Variants in GKN2 observed in about 807,000 individuals in gnomAD.
GKN2 encodes the protein gastrokine 2.
GKN2 carries 17 observed loss-of-function variants against 22.7 expected under a neutral mutation model. That is an observed-to-expected ratio of 0.75 (90% confidence interval 0.51 to 1.13). The LOEUF is 1.13. GKN2 is among the 50% of genes most tolerant of loss of function. The pLI, the probability that GKN2 is intolerant of heterozygous loss-of-function variation, is 0.00. For missense variants in GKN2, 248 were observed against 221.4 expected (o/e 1.12, Z -0.76); for synonymous variants, 82 against 79.6 (o/e 1.03, Z -0.16).
chr2:68,946,272 A>T, intron 5 of GKN2, 32 bp downstream of exon 5: 1 of 1,568,390 alleles, frequency 6.4e-7, no homozygotes, highest in Non-Finnish European at 8.6e-7. Flanking sequence ...TTCAGAAAAT[A>T]TTTGGTGAGT....
At chr2:68,952,823 T>C (rs1369373239) in intron 1 of GKN2, 27 bp downstream of exon 1, 2 of 1,613,104 alleles carry the variant, frequency 1.2e-6, no homozygotes, top group South Asian at 2.2e-5. Context: ...ACCACAAGAG[T>C]ATCAAGAAGC....
chr2:68,949,741 T>C (rs999800684), intron 3 of GKN2, among the ~76,000 whole-genome samples: 4 of 152,154 alleles, frequency 2.6e-5, no homozygotes, highest in African/African-American at 4.8e-5. Flanking sequence ...TTCTGCATGA[T>C]GTTCTGTGTT....
intron 3 of GKN2, among the ~76,000 whole-genome samples, chr2:68,948,825 G>A (rs536110633): frequency 6.6e-6 from 1 of 152,246 alleles, no homozygotes; most frequent in Non-Finnish European, 1.5e-5. Flanking sequence ...TCAAAAAATA[G>A]ACAGAGGCTG....
chr2:68,951,636 C>A (rs934775466), intron 1 of GKN2, among the ~76,000 whole-genome samples: 1 of 152,122 alleles, frequency 6.6e-6, no homozygotes, highest in African/African-American at 2.4e-5. Context: ...CTTAATATTT[C>A]TCTTCTGGGG....
At chr2:68,950,444 T>G (rs1669839327) in intron 2 of GKN2, among the ~76,000 whole-genome samples, 181 bp from the exon 3 acceptor site, 1 of 152,170 alleles carries the variant, frequency 6.6e-6, no homozygotes, top group Admixed American at 6.5e-5. Flanking sequence ...TCCTTAGAGT[T>G]TACTATATTA....
Position 68,950,707 on chromosome 2 carries a change from A to T in GKN2, c.61T>A (p.Tyr21Asn). 1 of 1,614,054 alleles carries T rather than the reference A, an allele frequency of 6.2e-7. No homozygotes were observed. Among genetic ancestry groups the T allele is most frequent in the South Asian group, 1.1e-5 (1 of 91,082 alleles). The change falls in exon 2 of 6, where the codon TAC becomes AAC. Residue 21 changes from tyrosine to asparagine, a missense_variant. Physicochemically the swap from Tyr to Asn is moderately radical, Grantham distance 143 (BLOSUM62 -2). Coordinates refer to ENST00000328895, the MANE Select transcript of GKN2 (RefSeq NM_182536.3). ...TCCATAAGGAACCAACTCACCTCGT[A>T]TCCATGAGATTGTATCCCAAAGATG... ...LTIFGIQSHGYEVFNIISPSN... is the reference protein window; with the variant it reads ...LTIFGIQSHGNEVFNIISPSN...
intron 3 of GKN2, among the ~76,000 whole-genome samples, chr2:68,949,464 G>A (rs898162029): frequency 3.9e-5 from 6 of 151,950 alleles, no homozygotes; most frequent in African/African-American, 1.5e-4. Flanking sequence ...TTGTCACCCA[G>A]GCTGGAGTGC....
At chr2:68,948,009 G>T (rs1669796161) in intron 3 of GKN2, among the ~76,000 whole-genome samples, 2 of 152,028 alleles carry the variant, frequency 1.3e-5, no homozygotes, top group South Asian at 4.1e-4. Flanking sequence ...ACTTTGGGAG[G>T]CCGAGAAGGG....
chr2:68,949,871 G>A (rs949083971), intron 3 of GKN2, among the ~76,000 whole-genome samples: 7 of 152,122 alleles, frequency 4.6e-5, no homozygotes, highest in African/African-American at 1.7e-4. Flanking sequence ...TGGGATAATA[G>A]CATTACTCTT....
At chr2:68,947,331 A>G in intron 3 of GKN2, 74 bp from the exon 4 acceptor site, 2 of 924,200 alleles carry the variant, frequency 2.2e-6, no homozygotes, top group Admixed American at 3.5e-5. Flanking sequence ...TGATGCCTGA[A>G]CCTCGGAAGA....
chr2:68,945,557 G>A, intron 5 of GKN2, 107 bp from the exon 6 acceptor site: 1 of 805,192 alleles, frequency 1.2e-6, no homozygotes, highest in South Asian at 1.8e-5. Flanking sequence ...TTTTGGAAGT[G>A]CTGGTTGGCT....
rs1201926748 is a variant in GKN2, at chr2:68,945,872, C to T, written c.473-422G>A. ...TTTTTACTCCCTGTCTGTAAGTCCG[C>T]TTGGCCTCCTCTTTCCTATACCAAT... On this transcript the variant is annotated intron_variant, in intron 5 of 5. Transcript: ENST00000328895. 1.3e-5 allele frequency: 3 copies of T among 229,236 alleles called. No individual in the cohort carries two copies. The East Asian group carries it at 2.8e-4, about 21-fold the overall frequency. 14.2% of individuals were successfully genotyped at this position (229,236 alleles called of 1,614,324 possible).
chr2:68,946,529 T>C (rs1391787310), intron 4 of GKN2, 69 bp from the exon 5 acceptor site: 2 of 1,305,336 alleles, frequency 1.5e-6, no homozygotes, highest in Non-Finnish European at 2.1e-6. Context: ...TTATTCTAAA[T>C]TGTGACAATT....
At chr2:68,951,359 A>T (rs1669851842) in intron 1 of GKN2, among the ~76,000 whole-genome samples, 1 of 152,210 alleles carries the variant, frequency 6.6e-6, no homozygotes, top group South Asian at 2.1e-4. Context: ...ATACTATCAC[A>T]CAAGTGCTGG....
chr2:68,949,984 G>A, intron 3 of GKN2, 142 bp downstream of exon 3: 3 of 634,662 alleles, frequency 4.7e-6, no homozygotes, highest in Non-Finnish European at 7.2e-6. Context: ...ATTATTTAAA[G>A]AGAAAAGTGA....
chr2:68,949,125 C>T (rs1669817712), intron 3 of GKN2, among the ~76,000 whole-genome samples: 1 of 152,094 alleles, frequency 6.6e-6, no homozygotes, highest in African/African-American at 2.4e-5. Flanking sequence ...TAGCTTGGAA[C>T]CTAGGTAGAA....
In GKN2 at chr2:68,947,263, G is replaced by A. The variant is rs1334385749; in HGVS notation, c.205-6C>T. ...ACCCTGGATGCAATGTAGCCCTGAGGCAGCAAGAGTACAGTTACTGTTCCT... is the reference window on the plus strand; with the variant it reads ...ACCCTGGATGCAATGTAGCCCTGAGACAGCAAGAGTACAGTTACTGTTCCT... On this transcript the variant is annotated splice_polypyrimidine_tract_variant and splice_region_variant and intron_variant, in intron 3 of 5. Transcript: ENST00000328895. 1.3e-6 allele frequency: 2 copies of A among 1,577,610 alleles called. No individual in the cohort carries two copies. Among genetic ancestry groups the A allele is most frequent in the Non-Finnish European group, 1.7e-6 (2 of 1,146,702 alleles).
intron 1 of GKN2, among the ~76,000 whole-genome samples, chr2:68,951,175 T>TA: frequency 6.6e-6 from 1 of 152,270 alleles, no homozygotes; most frequent in South Asian, 2.1e-4. Context: ...TAATTAATTT[T>TA]AAAAAACTTT....
At chr2:68,945,502 G>T in intron 5 of GKN2, 52 bp from the exon 6 acceptor site, 1 of 1,273,386 alleles carries the variant, frequency 7.9e-7, no homozygotes, top group Non-Finnish European at 1.1e-6. Flanking sequence ...TATATTATTG[G>T]AATTATTAGA....
Sources: allele counts gnomAD v4.1 joint callset (sites outside exome capture counted in the v4.1 genomes callset), GRCh38; gene constraint gnomAD v4.1.1; transcripts MANE v1.5; gene names NCBI Gene and HGNC (gene_info 2026-07-23, HGNC 2026-07-21).